Variants in ADAM12 observed in about 807,000 individuals in gnomAD.
ADAM12 encodes the protein disintegrin and metalloproteinase domain-containing protein 12.
A neutral mutation model predicts 106.4 loss-of-function variants in ADAM12; 70 were observed. The observed-to-expected ratio is 0.66, with a 90% CI of 0.54 to 0.80. The LOEUF is 0.80. Ranked by LOEUF, ADAM12 falls within the 30% of genes least tolerant of loss-of-function variation. The pLI is 0.00. For missense variants in ADAM12, 1,010 were observed against 1,171.9 expected (o/e 0.86, Z 2.02); for synonymous variants, 420 against 433.5 (o/e 0.97, Z 0.39).
chr10:126,081,789 G>A (rs1382492348), intron 11 of ADAM12, among the ~76,000 whole-genome samples: 1 of 152,200 alleles, frequency 6.6e-6, no homozygotes, highest in Non-Finnish European at 1.5e-5. Flanking sequence ...AGTACTGACA[G>A]GCAAAAGATG....
chr10:126,026,580 C>T (rs137950514), intron 21 of ADAM12, among the ~76,000 whole-genome samples: 1 of 152,282 alleles, frequency 6.6e-6, no homozygotes, highest in African/African-American at 2.4e-5. Flanking sequence ...TCTGTCAAAC[C>T]ACAGCGTAAT....
At chr10:126,377,443 A>C (rs1220375160) in intron 1 of ADAM12, among the ~76,000 whole-genome samples, 3 of 152,138 alleles carry the variant, frequency 2.0e-5, no homozygotes, top group African/African-American at 7.2e-5. Context: ...CTGGGAGGCT[A>C]AGTCAGTCTA....
intron 14 of ADAM12, among the ~76,000 whole-genome samples, chr10:126,061,171 C>T (rs1954748547): frequency 6.6e-6 from 1 of 152,198 alleles, no homozygotes; most frequent in African/African-American, 2.4e-5. Flanking sequence ...GCCCGTTTTA[C>T]AGACCCCAAG....
At chr10:126,123,253 G>A (rs1956145018) in intron 5 of ADAM12, among the ~76,000 whole-genome samples, 1 of 152,158 alleles carries the variant, frequency 6.6e-6, no homozygotes, top group Non-Finnish European at 1.5e-5. Flanking sequence ...AGCCCTTACT[G>A]GCCCTGAGTT....
rs139688763 is a variant in ADAM12, at chr10:126,083,696, C to T, written c.1145+10289G>A. Among the ~76,000 whole-genome samples, 962 of 152,314 alleles carry T rather than the reference C, an allele frequency of 6.3e-3. 10 individuals carry two copies. The highest frequency in any genetic ancestry group is 0.022 in the African/African-American group (896 of 41,566). On this transcript the variant is annotated intron_variant, in intron 11 of 22. Coordinates refer to ENST00000448723, the MANE Select transcript of ADAM12 (RefSeq NM_001288973.2). ...GAGGAGGGCTGCAAGCCTGTTGAGA[C>T]CCTAATGAGCTGCAGGCAGGGGAAA...
intron 3 of ADAM12, among the ~76,000 whole-genome samples, chr10:126,250,561 AT>A: frequency 6.6e-6 from 1 of 152,168 alleles, no homozygotes; most frequent in Non-Finnish European, 1.5e-5. Flanking sequence ...CATTTTTCTG[AT>A]TATTTTTTTG....
chr10:126,180,230 C>T (rs1048880294), intron 3 of ADAM12, among the ~76,000 whole-genome samples: 14 of 152,324 alleles, frequency 9.2e-5, no homozygotes, highest in South Asian at 2.1e-4. Context: ...GGAAGGTCAT[C>T]CGCTTAGTAA....
intron 8 of ADAM12, among the ~76,000 whole-genome samples, chr10:126,107,859 G>A (rs1200448909): frequency 1.3e-5 from 2 of 152,148 alleles, no homozygotes; most frequent in Admixed American, 1.3e-4. Context: ...TAGGCTAAGG[G>A]TCGTCAGCAG....
intron 1 of ADAM12, among the ~76,000 whole-genome samples, chr10:126,346,248 C>A (rs1163905080): frequency 6.6e-6 from 1 of 152,144 alleles, no homozygotes; most frequent in Non-Finnish European, 1.5e-5. Flanking sequence ...TTTCAAAGAA[C>A]ATCTTTATTT....
intron 8 of ADAM12, among the ~76,000 whole-genome samples, chr10:126,107,385 A>G (rs551822560): frequency 5.3e-5 from 8 of 152,198 alleles, no homozygotes; most frequent in Non-Finnish European, 1.0e-4. Context: ...GACGTTCTCA[A>G]GTGGAGGGAC....
At chr10:126,370,288 T>C (rs1031098657) in intron 1 of ADAM12, among the ~76,000 whole-genome samples, 5 of 152,208 alleles carry the variant, frequency 3.3e-5, no homozygotes, top group Non-Finnish European at 7.3e-5. Context: ...GTTGTGGCAA[T>C]TTGTCATACA....
chr10:126,021,575 A>T (rs1264803783), intron 21 of ADAM12, among the ~76,000 whole-genome samples: 1 of 152,222 alleles, frequency 6.6e-6, no homozygotes, highest in Non-Finnish European at 1.5e-5. Context: ...TTTCTACATT[A>T]GTTTTCATTA....
At position 126,108,713 on chromosome 10, in the gene ADAM12, C is replaced by T. The variant is rs111465427; in HGVS notation, c.670-49G>A. On this transcript the variant is annotated intron_variant, in intron 7 of 22. Coordinates refer to ENST00000448723, the MANE Select transcript of ADAM12 (RefSeq NM_001288973.2). ...TTAATACCAGCAAGAATATCAATCA[C>T]GTTTCATCTTCCTGGCTTCTGGAAA... 1,410 of 1,504,492 alleles carry T rather than the reference C, an allele frequency of 9.4e-4. 7 individuals are homozygous for T. Among genetic ancestry groups the T allele is most frequent in the East Asian group, 7.8e-3 (344 of 44,352 alleles). The allele number at this position is 1,504,492 out of a possible 1,614,324, so 93.2% of individuals were successfully genotyped here. A position where few individuals can be genotyped will look rare whatever the true frequency, so the allele number is the denominator to read the frequency against.
At chr10:126,198,661 G>A (rs756072552) in intron 3 of ADAM12, among the ~76,000 whole-genome samples, 6 of 152,200 alleles carry the variant, frequency 3.9e-5, no homozygotes, top group Non-Finnish European at 8.8e-5. Flanking sequence ...GGATGAGGCT[G>A]AGTGCCTGGC....
rs192673110 is a variant in ADAM12, at chr10:126,348,320, G to A, written c.89-17811C>T. Among the ~76,000 whole-genome samples the A allele has an allele frequency of 4.9e-3, 746 of 152,202 alleles. 12 individuals are homozygous for A. Among genetic ancestry groups the A allele is most frequent in the Admixed American group, 0.01 (158 of 15,290 alleles). On this transcript the variant is annotated intron_variant, in intron 1 of 22. Coordinates refer to ENST00000448723, the MANE Select transcript of ADAM12 (RefSeq NM_001288973.2). ...GCTAGAAACCTGATTCAGTTGAGGC[G>A]GTCCAGGATGTCTTCACAACAGGGA... is the stretch of plus-strand genomic sequence containing the variant.
intron 3 of ADAM12, among the ~76,000 whole-genome samples, chr10:126,201,841 CAA>C (rs1381882590): frequency 6.6e-6 from 1 of 152,184 alleles, no homozygotes; most frequent in Admixed American, 6.5e-5. Context: ...CAGGCAGAAA[CAA>C]AAACAGAGAG....
Position 126,238,210 on chromosome 10 carries a change from TGGC to T in ADAM12, c.260+40702_260+40704del, listed in dbSNP as rs1353145103. ...TAAATTAAATCCTGGCCGGGCAGGGTGGCTCACGCCTGTAATCTCACCACATTG... is the reference window on the plus strand; with the variant it reads ...TAAATTAAATCCTGGCCGGGCAGGGTTCACGCCTGTAATCTCACCACATTG... On this transcript the variant is annotated intron_variant, in intron 3 of 22. Coordinates refer to ENST00000448723, the MANE Select transcript of ADAM12 (RefSeq NM_001288973.2). Among the ~76,000 whole-genome samples, 62 of 152,316 alleles carry T rather than the reference TGGC, an allele frequency of 4.1e-4. 1 individual carries two copies. The East Asian group carries it at 0.011, about 27-fold the overall frequency.
chr10:126,187,384 G>A (rs1254204405), intron 3 of ADAM12, among the ~76,000 whole-genome samples: 2 of 151,960 alleles, frequency 1.3e-5, no homozygotes, highest in East Asian at 3.9e-4. Flanking sequence ...TTGCTGCTGG[G>A]GGCATTTCAG....
intron 19 of ADAM12, 56 bp from the exon 20 acceptor site, chr10:126,038,405 G>T: frequency 7.2e-7 from 1 of 1,383,826 alleles, no homozygotes; most frequent in Non-Finnish European, 9.7e-7. Context: ...TCACTGACTT[G>T]ACTTTTTACA....
Sources: gnomAD v4.1 joint callset for allele counts (sites outside exome capture counted in the v4.1 genomes callset) on GRCh38, gnomAD v4.1.1 for gene constraint, MANE v1.5 for transcripts, NCBI Gene and HGNC (gene_info 2026-07-23, HGNC 2026-07-21) for gene names.